The following NAALADL2 variants were observed in gnomAD, a reference collection of about 807,000 sequenced individuals.
NAALADL2 encodes N-acetylated alpha-linked acidic dipeptidase like 2.
A neutral mutation model predicts 87.2 loss-of-function variants in NAALADL2; 76 were observed. That is an observed-to-expected ratio of 0.87 (90% CI 0.72 to 1.05). NAALADL2 has a LOEUF of 1.05. Ranked by LOEUF, NAALADL2 falls within the 50% of genes least tolerant of loss-of-function variation. NAALADL2 has a pLI of 0.00. For synonymous variants in NAALADL2, 354 were observed against 331.0 expected (o/e 1.07, Z -0.75); for missense variants, 1,089 against 945.8 (o/e 1.15, Z -1.99).
At chr3:175,338,622 AACACACACACACACACAC>A (rs202022603) in intron 5 of NAALADL2, among the ~76,000 whole-genome samples, 15 of 88,468 alleles carry the variant, frequency 1.7e-4, no homozygotes, top group East Asian at 1.1e-3. Context: ...AAACACCACA[AACACACACACACACACAC>A]ACACACACAC....
chr3:174,684,279 A>C (rs1031333477), intron 2 of NAALADL2, among the ~76,000 whole-genome samples: 2 of 152,146 alleles, frequency 1.3e-5, no homozygotes, highest in Non-Finnish European at 2.9e-5. Context: ...CTTGATCAAC[A>C]AATTGCAGAC....
At chr3:175,233,386 T>G (rs1039366879) in intron 2 of NAALADL2, among the ~76,000 whole-genome samples, 1 of 152,168 alleles carries the variant, frequency 6.6e-6, no homozygotes. Flanking sequence ...TTAATATCAC[T>G]CTTCTCTGCA....
chr3:174,970,828 A>G (rs1743526381), intron 1 of NAALADL2, among the ~76,000 whole-genome samples: 1 of 152,204 alleles, frequency 6.6e-6, no homozygotes, highest in African/African-American at 2.4e-5. Context: ...TGTTCAATCA[A>G]TAAGCATTTA....
chr3:175,251,355 A>G (rs1254363635), intron 3 of NAALADL2, among the ~76,000 whole-genome samples: 1 of 152,222 alleles, frequency 6.6e-6, no homozygotes, highest in East Asian at 1.9e-4. Flanking sequence ...ACTTTTAAAT[A>G]TTTCTCTCTG....
At chr3:175,456,318 G>A (rs1722311619) in intron 6 of NAALADL2, among the ~76,000 whole-genome samples, 1 of 151,988 alleles carries the variant, frequency 6.6e-6, no homozygotes, top group South Asian at 2.1e-4. Context: ...CACCCTATTT[G>A]AATACAAATG....
chr3:174,848,124 A>T (rs928301074), intron 3 of NAALADL2, among the ~76,000 whole-genome samples: 1 of 152,062 alleles, frequency 6.6e-6, no homozygotes, highest in Non-Finnish European at 1.5e-5. Context: ...TTTATTAAAA[A>T]CAATTAAGTA....
chr3:175,555,910 C>G (rs959986697), intron 9 of NAALADL2, among the ~76,000 whole-genome samples: 2 of 152,166 alleles, frequency 1.3e-5, no homozygotes, highest in Admixed American at 1.3e-4. Flanking sequence ...GAGATTGGAA[C>G]TGAATTGACT....
intron 2 of NAALADL2, among the ~76,000 whole-genome samples, chr3:175,164,535 G>C (rs185713067): frequency 6.6e-6 from 1 of 152,026 alleles, no homozygotes; most frequent in Non-Finnish European, 1.5e-5. Context: ...TATTTAAGAA[G>C]TTCAAAAAAT....
intron 1 of NAALADL2, among the ~76,000 whole-genome samples, chr3:175,064,589 T>C (rs928165920): frequency 5.3e-5 from 8 of 152,144 alleles, no homozygotes; most frequent in African/African-American, 1.9e-4. Context: ...CAACTTTCTG[T>C]GACTTATCAG....
chr3:174,564,303 A>G (rs1051776851), intron 2 of NAALADL2, among the ~76,000 whole-genome samples: 5 of 152,256 alleles, frequency 3.3e-5, no homozygotes, highest in Admixed American at 2.0e-4. Flanking sequence ...GGGAAAAAAC[A>G]TGCGGCTGGC....
At chr3:174,570,835 A>G (rs1346904723) in intron 2 of NAALADL2, among the ~76,000 whole-genome samples, 4 of 152,158 alleles carry the variant, frequency 2.6e-5, no homozygotes, top group Non-Finnish European at 5.9e-5. Context: ...CTTCTCAGAA[A>G]TGTTAGGTGG....
chr3:175,746,253 T>C (rs1161250779), intron 12 of NAALADL2, among the ~76,000 whole-genome samples: 3 of 151,620 alleles, frequency 2.0e-5, no homozygotes, highest in Non-Finnish European at 4.4e-5. Context: ...ATGATCACAC[T>C]AAAGCAAGCA....
chr3:174,746,266 A>G (rs1223062906), intron 3 of NAALADL2, among the ~76,000 whole-genome samples: 1 of 152,172 alleles, frequency 6.6e-6, no homozygotes, highest in Non-Finnish European at 1.5e-5. Context: ...CAAAATCACA[A>G]GCATTCTTAT....
intron 1 of NAALADL2, among the ~76,000 whole-genome samples, chr3:175,068,863 T>C (rs780079089): frequency 5.9e-5 from 9 of 152,072 alleles, no homozygotes; most frequent in African/African-American, 9.7e-5. Context: ...GAAAACTCAA[T>C]TGGGAGCATG....
intron 1 of NAALADL2, among the ~76,000 whole-genome samples, chr3:174,954,658 A>C (rs1167189730): frequency 1.3e-5 from 2 of 152,072 alleles, no homozygotes; most frequent in Non-Finnish European, 2.9e-5. Context: ...AATCTTCTGA[A>C]TGGAATTTAA....
At chr3:174,683,830 G>A (rs1727787105) in intron 2 of NAALADL2, among the ~76,000 whole-genome samples, 1 of 151,916 alleles carries the variant, frequency 6.6e-6, no homozygotes, top group Non-Finnish European at 1.5e-5. Context: ...CACTGTGCAT[G>A]CAATTTAAAG....
intron 3 of NAALADL2, among the ~76,000 whole-genome samples, chr3:174,759,683 A>G (rs1712639223): frequency 6.6e-6 from 1 of 151,984 alleles, no homozygotes; most frequent in South Asian, 2.1e-4. Context: ...CTCTGATACT[A>G]TCAAATACAA....
rs188278309 is a variant in NAALADL2 at position 175,217,914 on chromosome 3, C to T, written c.546-16017C>T. Among the ~76,000 whole-genome samples, 53 of 152,112 alleles carry T rather than the reference C, an allele frequency of 3.5e-4. 1 individual carries two copies. Among genetic ancestry groups the T allele is most frequent in the African/African-American group, 9.6e-4 (40 of 41,492 alleles). ...ATGAGAGAAATTAAATCAGTTTGTA[C>T]GTATAGAAGCCATAGAAATGACAGT... is the stretch of plus-strand genomic sequence containing the variant. On this transcript the variant is annotated intron_variant, in intron 2 of 13. Transcript: ENST00000454872.
chr3:175,562,875 C>T lies in NAALADL2; in HGVS notation c.1654-13166C>T, dbSNP rs529551652. ...AAAGATTTGACTTTCTAAATATGAT[C>T]ATTCTACATCTTAAAAGGCAGGAGA... On this transcript the variant is annotated intron_variant, in intron 9 of 13. Transcript: ENST00000454872. Among the ~76,000 whole-genome samples the T allele has an allele frequency of 2.5e-3, 379 of 151,924 alleles. 3 individuals are homozygous for T. The highest frequency in any genetic ancestry group is 4.6e-3 in the Non-Finnish European group (312 of 67,946).
Sources: gnomAD v4.1 joint callset for allele counts (sites outside exome capture counted in the v4.1 genomes callset) on GRCh38, gnomAD v4.1.1 for gene constraint, MANE v1.5 for transcripts, NCBI Gene and HGNC (gene_info 2026-07-23, HGNC 2026-07-21) for gene names.